The following PAIP2B variants were observed in gnomAD, a reference collection of about 807,000 sequenced individuals.
PAIP2B encodes polyadenylate-binding protein-interacting protein 2B.
PAIP2B carries 13 observed loss-of-function variants against 17.0 expected under a neutral mutation model. The ratio of observed to expected loss-of-function variants is 0.76; its 90% confidence interval spans 0.50 to 1.22. The LOEUF is 1.22. Ranked by LOEUF, PAIP2B falls within the 50% of genes most tolerant of loss-of-function variation. PAIP2B has a pLI of 0.00. For missense variants in PAIP2B, 117 were observed against 144.5 expected (o/e 0.81, Z 0.98); for synonymous variants, 43 against 48.7 (o/e 0.88, Z 0.48).
At position 71,185,623 on chromosome 2, in the gene PAIP2B, A is replaced by G. The variant is rs1262254257; in HGVS notation, c.*2856T>C. 1 of 151,942 alleles carries G rather than the reference A, an allele frequency of 6.6e-6. No individual in the cohort carries two copies. The highest frequency in any genetic ancestry group is 1.9e-4 in the East Asian group (1 of 5,168). 9.4% of individuals were successfully genotyped at this position (151,942 alleles called of 1,614,324 possible). On this transcript the variant is annotated 3_prime_UTR_variant, in exon 4 of 4. Transcript: ENST00000244221. ...GACCCCAGCTGCTGTGACTTTGGAA[A>G]CTAAAGGTGTTAACAAAGGTCAAGC... is the stretch of plus-strand genomic sequence containing the variant.
chr2:71,192,221 G>A (rs1010363144), intron 2 of PAIP2B, among the ~76,000 whole-genome samples: 8 of 149,498 alleles, frequency 5.4e-5, no homozygotes, highest in Admixed American at 4.0e-4. Context: ...ATGGGCACAC[G>A]TTTTATTGCA....
At chr2:71,194,485 GTGTGTGT>G (rs1674767176) in intron 2 of PAIP2B, among the ~76,000 whole-genome samples, 2 of 148,084 alleles carry the variant, frequency 1.4e-5, no homozygotes, top group East Asian at 3.9e-4. Flanking sequence ...GTGTGTGTGT[GTGTGTGT>G]GGCAACTGTG....
rs190676755 is a variant in PAIP2B, at chr2:71,194,118, T to A, written c.139-4097A>T. 2.3e-3 allele frequency among the ~76,000 whole-genome samples: 357 copies of A among 152,362 alleles called. 3 individuals are homozygous for A. Among genetic ancestry groups the A allele is most frequent in the Non-Finnish European group, 3.6e-3 (242 of 68,038 alleles). On this transcript the variant is annotated intron_variant, in intron 2 of 3. Transcript: ENST00000244221. ...CAGTACCATGCTATTTTGGTCACTG[T>A]AGACTTGCAGTATAGTTTGAAGTCA...
intron 1 of PAIP2B, among the ~76,000 whole-genome samples, chr2:71,216,105 A>G (rs1334821408): frequency 2.6e-5 from 4 of 152,330 alleles, no homozygotes; most frequent in South Asian, 2.1e-4. Context: ...TTTTTTGGAA[A>G]AAGTTTCTCT....
At chr2:71,226,861 C>T (rs960709988) in intron 1 of PAIP2B, 67 bp downstream of exon 1, 1 of 152,562 alleles carries the variant, frequency 6.6e-6, no homozygotes, top group African/African-American at 2.4e-5. Context: ...CGCAGGGCGC[C>T]CCCAGAGCCG....
Position 71,189,868 on chromosome 2 carries a change from C to A in PAIP2B, c.292G>T (p.Gly98Cys). ...QQLNGLSVSEGHDSEDILSKS... is the reference protein window; with the variant it reads ...QQLNGLSVSECHDSEDILSKS... ...ACCAAAATATCTTCAGAATCATGAC[C>A]TTCACTGACTGACAGTCCATTTAAC... Residue 98 changes from glycine (G) to cysteine (C), a missense_variant, in exon 3 of 4, where the codon GGT becomes TGT. By Grantham distance (159) the Gly-to-Cys change is radical. Transcript: ENST00000244221. The A allele has an allele frequency of 6.4e-7, 1 of 1,557,032 alleles. No individual in the cohort carries two copies. Among genetic ancestry groups the A allele is most frequent in the East Asian group, 2.4e-5 (1 of 41,438 alleles).
chr2:71,194,645 C>T (rs531991405), intron 2 of PAIP2B, among the ~76,000 whole-genome samples: 47 of 152,258 alleles, frequency 3.1e-4, no homozygotes, highest in African/African-American at 8.9e-4. Flanking sequence ...GCTGAGACTA[C>T]GGAGTTTTCT....
chr2:71,220,835 T>C (rs1675564483), intron 1 of PAIP2B, among the ~76,000 whole-genome samples: 1 of 152,216 alleles, frequency 6.6e-6, no homozygotes, highest in Non-Finnish European at 1.5e-5. Context: ...ATATTACTAA[T>C]TATTCCTTTC....
chr2:71,200,579 C>A (rs1017383209), intron 2 of PAIP2B, among the ~76,000 whole-genome samples: 2 of 152,150 alleles, frequency 1.3e-5, no homozygotes, highest in Non-Finnish European at 2.9e-5. Context: ...TGGCGAAACC[C>A]CATCTCTACT....
At chr2:71,191,092 G>C (rs1007944318) in intron 2 of PAIP2B, among the ~76,000 whole-genome samples, 3 of 152,134 alleles carry the variant, frequency 2.0e-5, no homozygotes, top group Non-Finnish European at 4.4e-5. Context: ...CAGTGTCTTT[G>C]ATAGGCCTCT....
intron 2 of PAIP2B, among the ~76,000 whole-genome samples, chr2:71,194,986 C>T (rs1674781270): frequency 6.6e-6 from 1 of 152,202 alleles, no homozygotes; most frequent in East Asian, 1.9e-4. Context: ...TTGAGATAAT[C>T]ATGTGGCTTT....
At chr2:71,224,663 G>A (rs1675675612) in intron 1 of PAIP2B, among the ~76,000 whole-genome samples, 2 of 152,190 alleles carry the variant, frequency 1.3e-5, no homozygotes, top group Non-Finnish European at 2.9e-5. Flanking sequence ...AGTAGGAGAT[G>A]AGATCAGAAC....
chr2:71,203,897 T>C (rs1675056253), intron 1 of PAIP2B, among the ~76,000 whole-genome samples: 1 of 152,124 alleles, frequency 6.6e-6, no homozygotes, highest in South Asian at 2.1e-4. Flanking sequence ...TTATTTTGGC[T>C]TCTAAACCCA....
chr2:71,198,443 G>A (rs941247001), intron 2 of PAIP2B, among the ~76,000 whole-genome samples: 3 of 152,028 alleles, frequency 2.0e-5, no homozygotes, highest in African/African-American at 7.2e-5. Flanking sequence ...CCGCTACCAC[G>A]CCCGGCTAAT....
intron 2 of PAIP2B, 121 bp downstream of exon 2, chr2:71,202,331 A>G: frequency 2.3e-6 from 3 of 1,318,162 alleles, no homozygotes; most frequent in Non-Finnish European, 3.1e-6. Context: ...CCACCAATGA[A>G]TTTTTAAGTT....
At position 71,189,926 on chromosome 2, in the gene PAIP2B, G is replaced by A. The variant is rs781505031; in HGVS notation, c.234C>T (p.Asp78=). The A allele has an allele frequency of 6.2e-7, 1 of 1,601,596 alleles. No individual in the cohort carries two copies. The highest frequency in any genetic ancestry group is 8.5e-7 in the Non-Finnish European group (1 of 1,174,028). Residue 78 remains aspartate (D), a synonymous_variant, in exon 3 of 4, where the codon GAC becomes GAT. Coordinates refer to ENST00000244221, the MANE Select transcript of PAIP2B (RefSeq NM_020459.1). The part of the protein sequence containing the change: ...EDQDWFIPSR[D]LPQAMGQLQQ... ...GCAACTGTCCCATGGCCTGAGGCAG[G>A]TCTCGTGAGGGAATAAACCAGTCTT...
intron 2 of PAIP2B, among the ~76,000 whole-genome samples, chr2:71,197,626 A>G (rs1019408512): frequency 2.0e-5 from 3 of 152,210 alleles, no homozygotes; most frequent in African/African-American, 7.2e-5. Context: ...CTGCTGATAA[A>G]GACATATCCA....
chr2:71,205,539 G>T (rs1304428588), intron 1 of PAIP2B, among the ~76,000 whole-genome samples: 1 of 152,138 alleles, frequency 6.6e-6, no homozygotes, highest in Non-Finnish European at 1.5e-5. Flanking sequence ...GTAACTCCTA[G>T]GGAAGGCATT....
rs1572931234 is a variant in PAIP2B, at chr2:71,206,912, G to A, written c.-11-4312C>T. ...ATTTTAAAAAGTAAATATGGTGGAT[G>A]ACAGCTTTAAATTTTATTTCAAATA... is the stretch of plus-strand genomic sequence containing the variant. On this transcript the variant is annotated intron_variant, in intron 1 of 3. Transcript: ENST00000244221. 2.6e-5 allele frequency among the ~76,000 whole-genome samples: 4 copies of A among 152,300 alleles called. No homozygotes were observed. In the South Asian group the frequency reaches 8.3e-4, roughly 32 times the overall value.
Sources: allele counts gnomAD v4.1 joint callset (sites outside exome capture counted in the v4.1 genomes callset), GRCh38; gene constraint gnomAD v4.1.1; transcripts MANE v1.5; gene names NCBI Gene and HGNC (gene_info 2026-07-23, HGNC 2026-07-21).